Variants in CNTNAP4 observed in about 807,000 individuals in gnomAD.
The protein encoded by CNTNAP4 is contactin-associated protein-like 4.
CNTNAP4 carries 98 observed loss-of-function variants against 148.4 expected under a neutral mutation model. The ratio of observed to expected loss-of-function variants is 0.66; its 90% confidence interval spans 0.56 to 0.78. CNTNAP4 has a LOEUF of 0.78. Among genes scored for constraint, CNTNAP4 ranks in the 30% least tolerant of loss-of-function variants. CNTNAP4 has a pLI of 0.00. For synonymous variants in CNTNAP4, 730 were observed against 565.1 expected, an observed-to-expected ratio of 1.29 and a Z score of -4.14; for missense variants, 1,935 against 1,565.6, an observed-to-expected ratio of 1.24 and a Z score of -3.98.
chr16:76,456,669 A>C (rs959813371), intron 8 of CNTNAP4, among the ~76,000 whole-genome samples: 1 of 152,208 alleles, frequency 6.6e-6, no homozygotes, highest in Admixed American at 6.5e-5. Context: ...GATTCTTACA[A>C]CACCAAGGTC....
intron 15 of CNTNAP4, among the ~76,000 whole-genome samples, chr16:76,519,483 A>G (rs1476349460): frequency 6.6e-6 from 1 of 152,194 alleles, no homozygotes; most frequent in Non-Finnish European, 1.5e-5. Flanking sequence ...CCTCTTTCTA[A>G]TCAGACAAAA....
intron 12 of CNTNAP4, among the ~76,000 whole-genome samples, chr16:76,480,926 G>A (rs2143674359): frequency 6.6e-6 from 1 of 152,230 alleles, no homozygotes; most frequent in South Asian, 2.1e-4. Context: ...ATACACAGAG[G>A]CAAGAAGAAC....
At chr16:76,480,890 C>G (rs987828284) in intron 12 of CNTNAP4, among the ~76,000 whole-genome samples, 2 of 152,062 alleles carry the variant, frequency 1.3e-5, no homozygotes, top group African/African-American at 4.8e-5. Flanking sequence ...TGAAAATCAA[C>G]AAGCATATTC....
rs1421206198 is a variant in CNTNAP4 at position 76,460,552 on chromosome 16, G to A, written c.1334-1404G>A. On this transcript the variant is annotated intron_variant, in intron 8 of 23. Coordinates refer to ENST00000611870, the MANE Select transcript of CNTNAP4 (RefSeq NM_033401.5). ...CGAGGCGGGTGGATCACGAGGTCAG[G>A]AGATCGAGACCATCCTGGCTAACAC... 5.4e-5 allele frequency among the ~76,000 whole-genome samples: 8 copies of A among 147,432 alleles called. No homozygotes were observed. In the South Asian group the frequency reaches 1.7e-3, roughly 32 times the overall value.
intron 15 of CNTNAP4, among the ~76,000 whole-genome samples, chr16:76,517,582 A>G (rs1445242829): frequency 6.6e-6 from 1 of 152,226 alleles, no homozygotes; most frequent in Non-Finnish European, 1.5e-5. Context: ...AGCATGTTAT[A>G]TGCATTTTGA....
chr16:76,522,706 CTTTTCTTTTCTT>C, intron 17 of CNTNAP4, among the ~76,000 whole-genome samples: 1 of 18,650 alleles, frequency 5.4e-5, no homozygotes, highest in South Asian at 1.5e-3. Context: ...CTTTTCTTTT[CTTTTCTTTTCTT>C]TTCTTTTCTT....
intron 18 of CNTNAP4, among the ~76,000 whole-genome samples, chr16:76,537,533 G>A (rs1053129836): frequency 3.3e-5 from 5 of 152,098 alleles, no homozygotes; most frequent in Non-Finnish European, 5.9e-5. Context: ...TTTGTAAAAT[G>A]ATTTAAAAGA....
intron 21 of CNTNAP4, among the ~76,000 whole-genome samples, chr16:76,547,819 G>A (rs904646468): frequency 6.6e-6 from 1 of 152,226 alleles, no homozygotes; most frequent in African/African-American, 2.4e-5. Flanking sequence ...AATAAAATGT[G>A]TGGTCTGAGA....
intron 1 of CNTNAP4, among the ~76,000 whole-genome samples, chr16:76,282,545 G>A (rs868350194): frequency 2.6e-5 from 4 of 151,846 alleles, no homozygotes; most frequent in Non-Finnish European, 5.9e-5. Context: ...TGATAGAAGA[G>A]TATTTTTGCT....
intron 15 of CNTNAP4, among the ~76,000 whole-genome samples, chr16:76,507,606 A>G (rs1344653833): frequency 1.0e-5 from 1 of 97,820 alleles, no homozygotes; most frequent in African/African-American, 2.6e-5. Context: ...ATTTTTCTAT[A>G]TAGGTAGTTT....
chr16:76,412,572 G>A (rs2078836210), intron 3 of CNTNAP4, among the ~76,000 whole-genome samples: 1 of 151,296 alleles, frequency 6.6e-6, no homozygotes, highest in Non-Finnish European at 1.5e-5. Flanking sequence ...AGCCATTCTA[G>A]TTGGTGTGCA....
intron 3 of CNTNAP4, among the ~76,000 whole-genome samples, chr16:76,424,137 A>G (rs553291619): frequency 6.6e-6 from 1 of 152,170 alleles, no homozygotes; most frequent in Non-Finnish European, 1.5e-5. Flanking sequence ...AATAGCTCAT[A>G]AATTGATCAA....
intron 3 of CNTNAP4, among the ~76,000 whole-genome samples, chr16:76,393,942 A>G (rs2078111348): frequency 6.6e-6 from 1 of 152,092 alleles, no homozygotes; most frequent in South Asian, 2.1e-4. Context: ...GCCAACAGAA[A>G]CTCTATTAGA....
chr16:76,375,495 G>A (rs1043166770), intron 3 of CNTNAP4, among the ~76,000 whole-genome samples: 5 of 152,116 alleles, frequency 3.3e-5, no homozygotes, highest in Admixed American at 1.3e-4. Context: ...GCTTTGCACT[G>A]GGGTCTTTTG....
At chr16:76,287,852 C>G (rs1313522260) in intron 1 of CNTNAP4, 1 of 152,138 alleles carries the variant, frequency 6.6e-6, no homozygotes, top group Non-Finnish European at 1.5e-5. Flanking sequence ...ACCAAAGGTA[C>G]AGATTTTAAG....
intron 3 of CNTNAP4, among the ~76,000 whole-genome samples, chr16:76,411,932 C>A (rs894759014): frequency 6.6e-6 from 1 of 151,334 alleles, no homozygotes; most frequent in East Asian, 1.9e-4. Context: ...ATTATTGTAA[C>A]TTTCATGCCC....
At chr16:76,542,328 T>G (rs2084499198) in intron 21 of CNTNAP4, among the ~76,000 whole-genome samples, 1 of 152,242 alleles carries the variant, frequency 6.6e-6, no homozygotes, top group Non-Finnish European at 1.5e-5. Context: ...TATTTAGCTT[T>G]GGATATGTGA....
chr16:76,389,619 AT>A (rs796767026), intron 3 of CNTNAP4, among the ~76,000 whole-genome samples: 1 of 149,876 alleles, frequency 6.7e-6, no homozygotes, highest in Non-Finnish European at 1.5e-5. Flanking sequence ...AAGCCCAACT[AT>A]TTTTTTTTCT....
intron 2 of CNTNAP4, among the ~76,000 whole-genome samples, chr16:76,338,239 G>A (rs543231703): frequency 6.6e-6 from 1 of 152,246 alleles, no homozygotes; most frequent in South Asian, 2.1e-4. Flanking sequence ...GCTGATAGAT[G>A]TCCGTGAAAT....
Sources: allele counts gnomAD v4.1 joint callset (sites outside exome capture counted in the v4.1 genomes callset), GRCh38; gene constraint gnomAD v4.1.1; transcripts MANE v1.5; gene names NCBI Gene and HGNC (gene_info 2026-07-23, HGNC 2026-07-21).